The following SYNE3 variants were observed in gnomAD, a reference collection of about 807,000 sequenced individuals.
SYNE3 encodes nesprin-3.
A neutral mutation model predicts 111.2 loss-of-function variants in SYNE3; 100 were observed. That is an observed-to-expected ratio of 0.90 (90% CI 0.77 to 1.06). The LOEUF is 1.06. Ranked by LOEUF, SYNE3 falls within the 50% of genes least tolerant of loss-of-function variation. The probability of loss-of-function intolerance (pLI) is 0.00; values close to 1 mark genes in which losing one functional copy is unlikely to be tolerated. For synonymous variants in SYNE3, 547 were observed against 533.9 expected, an observed-to-expected ratio of 1.02 and a Z score of -0.34; for missense variants, 1,160 against 1,240.3, an observed-to-expected ratio of 0.94 and a Z score of 0.97.
rs1887364151 is a variant in SYNE3 at position 95,455,471 on chromosome 14, C to G, written c.1043G>C (p.Arg348Thr). 6.2e-7 allele frequency: 1 copy of G among 1,613,282 alleles called. No homozygotes were observed. The highest frequency in any genetic ancestry group is 1.7e-5 in the Admixed American group (1 of 59,980). Residue 348 changes from arginine to threonine, a missense_variant, in exon 6 of 18, where the codon AGG becomes ACG. Physicochemically the swap from Arg to Thr is moderately conservative, Grantham distance 71. Coordinates refer to ENST00000682763, the MANE Select transcript of SYNE3 (RefSeq NM_152592.6). Reference protein sequence around the residue: ...KQLEAELSEFRMVLQRLAQEG... With the variant: ...KQLEAELSEFTMVLQRLAQEG... ...CTGGGCCAGCCTCTGCAGGACCATCCTGAACTCACTGAGCTCAGCCTCCAG... is the reference window on the plus strand; with the variant it reads ...CTGGGCCAGCCTCTGCAGGACCATCGTGAACTCACTGAGCTCAGCCTCCAG...
At position 95,444,550 on chromosome 14, in the gene SYNE3, C is replaced by T. The variant is rs1312771499; in HGVS notation, c.1711G>A (p.Val571Ile). The T allele has an allele frequency of 6.2e-7, 1 of 1,613,842 alleles. No homozygotes were observed. Among genetic ancestry groups the T allele is most frequent in the Non-Finnish European group, 8.5e-7 (1 of 1,179,798 alleles). Reference protein sequence around the residue: ...QRKLLDLQVRVQAEKGLQRDL... With the variant: ...QRKLLDLQVRIQAEKGLQRDL... ...CGCTGAAGCCCCTTCTCGGCTTGGA[C>T]CCTGACCTGGAGGTCCAAGAGCTTC... Residue 571 changes from valine to isoleucine, a missense_variant, in exon 10 of 18, where the codon GTC becomes ATC. Val to Ile is a conservative substitution (Grantham distance 29). Coordinates refer to ENST00000682763, the MANE Select transcript of SYNE3 (RefSeq NM_152592.6).
Position 95,412,760 on chromosome 14 carries a change from T to C in SYNE3, c.*5066A>G, listed in dbSNP as rs1379769405. The C allele has an allele frequency of 1.3e-5, 2 of 152,116 alleles. No individual in the cohort carries two copies. Among genetic ancestry groups the C allele is most frequent in the Non-Finnish European group, 2.9e-5 (2 of 68,024 alleles). 9.4% of individuals were successfully genotyped at this position (152,116 alleles called of 1,614,324 possible). A position where few individuals can be genotyped will look rare whatever the true frequency, so the allele number is the denominator to read the frequency against. On this transcript the variant is annotated 3_prime_UTR_variant, in exon 18 of 18. Transcript: ENST00000682763. Reference sequence around the variant, plus strand: ...TCAAGCTGCTCTCTTCTCCCAACCATCTCCTGGGTTCCCAAACTTTCAGAC... The same window carrying C: ...TCAAGCTGCTCTCTTCTCCCAACCACCTCCTGGGTTCCCAAACTTTCAGAC...
intron 1 of SYNE3, among the ~76,000 whole-genome samples, chr14:95,481,928 G>C (rs1341430264): frequency 6.6e-6 from 1 of 152,250 alleles, no homozygotes; most frequent in Non-Finnish European, 1.5e-5. Flanking sequence ...GTCAGCACGT[G>C]GATTGCCAAC....
chr14:95,440,168 G>T, intron 11 of SYNE3, 93 bp from the exon 12 acceptor site: 4 of 1,445,994 alleles, frequency 2.8e-6, no homozygotes, highest in Non-Finnish European at 3.7e-6. Context: ...TCTCACACCC[G>T]CTGGGGACCC....
intron 11 of SYNE3, 61 bp from the exon 12 acceptor site, chr14:95,440,136 C>T (rs1886334320): frequency 6.6e-7 from 1 of 1,521,096 alleles, no homozygotes; most frequent in Admixed American, 2.0e-5. Flanking sequence ...GAGACCCCCG[C>T]ACCACCCCCA....
chr14:95,475,309 A>AGAAGCAGAGAAGGGGTG (rs1402250525), intron 2 of SYNE3, among the ~76,000 whole-genome samples: 1 of 152,212 alleles, frequency 6.6e-6, no homozygotes, highest in African/African-American at 2.4e-5. Context: ...CCAACCAGGC[A>AGAAGCAGAGAAGGGGTG]GAAGCAGAGA....
intron 7 of SYNE3, 72 bp from the exon 8 acceptor site, chr14:95,450,177 C>G: frequency 6.7e-7 from 1 of 1,491,778 alleles, no homozygotes; most frequent in South Asian, 1.3e-5. Context: ...AGGCCTCCGC[C>G]AAGACCCTCA....
chr14:95,442,108 C>T (rs927421238), intron 11 of SYNE3, among the ~76,000 whole-genome samples: 3 of 152,208 alleles, frequency 2.0e-5, no homozygotes, highest in Non-Finnish European at 4.4e-5. Flanking sequence ...TAGAGCTGCA[C>T]CCTTTGTGTA....
At chr14:95,440,137 A>G (rs966862650) in intron 11 of SYNE3, 62 bp from the exon 12 acceptor site, 3 of 1,520,182 alleles carry the variant, frequency 2.0e-6, no homozygotes, top group African/African-American at 1.4e-5. Context: ...AGACCCCCGC[A>G]CCACCCCCAC....
Position 95,432,061 on chromosome 14 carries a change from A to C in SYNE3, c.2727+18T>G. Reference sequence around the variant, plus strand: ...ACCCTGCCTGCTAGCCGTGTGGAGCAGATGGCAGACACTGTACCTTTTGGA... The same window carrying C: ...ACCCTGCCTGCTAGCCGTGTGGAGCCGATGGCAGACACTGTACCTTTTGGA... On this transcript the variant is annotated intron_variant, in intron 17 of 17. Coordinates refer to ENST00000682763, the MANE Select transcript of SYNE3 (RefSeq NM_152592.6). 6.2e-7 allele frequency: 1 copy of C among 1,610,176 alleles called. No individual in the cohort carries two copies. The highest frequency in any genetic ancestry group is 2.2e-5 in the East Asian group (1 of 44,858).
intron 17 of SYNE3, among the ~76,000 whole-genome samples, chr14:95,430,310 TA>T (rs1885685028): frequency 6.6e-6 from 1 of 152,128 alleles, no homozygotes; most frequent in African/African-American, 2.4e-5. Context: ...CACAAGGTCC[TA>T]GGTCCCCCGT....
At chr14:95,443,625 G>A (rs890714841) in intron 10 of SYNE3, 5 of 240,332 alleles carry the variant, frequency 2.1e-5, no homozygotes, top group Non-Finnish European at 4.0e-5. Context: ...CCCAATTTTA[G>A]TTTTAAAACC....
At chr14:95,429,102 C>T (rs1203229435) in intron 17 of SYNE3, among the ~76,000 whole-genome samples, 1 of 152,258 alleles carries the variant, frequency 6.6e-6, no homozygotes, top group African/African-American at 2.4e-5. Context: ...CGCCACACTC[C>T]AACCCGTGAA....
intron 11 of SYNE3, 114 bp from the exon 12 acceptor site, chr14:95,440,189 C>A (rs1046290214): frequency 8.7e-7 from 1 of 1,155,638 alleles, no homozygotes; most frequent in Non-Finnish European, 1.2e-6. Flanking sequence ...CAGGGCTCCC[C>A]ACCAAGTAGC....
intron 4 of SYNE3, among the ~76,000 whole-genome samples, chr14:95,457,684 T>G (rs1039085672): frequency 6.6e-6 from 1 of 152,154 alleles, no homozygotes. Context: ...CATCACACTG[T>G]CATTCTGAGC....
At chr14:95,510,025 A>T (rs1890666983) in intron 1 of SYNE3, among the ~76,000 whole-genome samples, 1 of 152,198 alleles carries the variant, frequency 6.6e-6, no homozygotes, top group Non-Finnish European at 1.5e-5. Flanking sequence ...GTATAAGCGT[A>T]AATCATCTCT....
chr14:95,513,180 T>C (rs903511218), intron 1 of SYNE3, among the ~76,000 whole-genome samples: 7 of 152,204 alleles, frequency 4.6e-5, no homozygotes, highest in African/African-American at 1.7e-4. Context: ...CTCTCACCTT[T>C]CCTCAGCACG....
chr14:95,437,008 T>C (rs200878334), intron 14 of SYNE3, 27 bp from the exon 15 acceptor site: 120 of 1,613,698 alleles, frequency 7.4e-5, no homozygotes, highest in Admixed American at 2.0e-4. Context: ...GGCCAAAGCG[T>C]CAGAGGTGAA....
At chr14:95,461,244 C>T (rs538385025) in intron 4 of SYNE3, among the ~76,000 whole-genome samples, 1 of 152,366 alleles carries the variant, frequency 6.6e-6, no homozygotes, top group South Asian at 2.1e-4. Flanking sequence ...TCACAAGCAG[C>T]TCTGATTCAC....
Sources: allele counts gnomAD v4.1 joint callset (sites outside exome capture counted in the v4.1 genomes callset), GRCh38; gene constraint gnomAD v4.1.1; transcripts MANE v1.5; gene names NCBI Gene and HGNC (gene_info 2026-07-23, HGNC 2026-07-21).